Variants in XRCC4 observed in about 807,000 individuals in gnomAD.
The protein encoded by XRCC4 is X-ray repair cross complementing 4.
In XRCC4, 28 loss-of-function variants were observed where a neutral mutation model predicts 39.1. The ratio of observed to expected loss-of-function variants is 0.72; its 90% CI spans 0.53 to 0.98. The LOEUF (loss-of-function observed/expected upper bound fraction) is 0.98. Among genes scored for constraint, XRCC4 ranks in the 50% least tolerant of loss-of-function variants. The pLI, the probability that XRCC4 is intolerant of heterozygous loss-of-function variation, is 0.00. For missense variants in XRCC4, 350 were observed against 376.4 expected (o/e 0.93, Z 0.58); for synonymous variants, 123 against 126.4 (o/e 0.97, Z 0.18).
the XRCC4 span, among the ~76,000 whole-genome samples, chr5:83,359,697 C>T: frequency 1.3e-5 from 2 of 152,154 alleles, no homozygotes; most frequent in African/African-American, 4.8e-5. Context: ...AGAATACATT[C>T]TCCAGAGAAG....
chr5:83,090,740 G>C (rs974943151), intron 1 of XRCC4, among the ~76,000 whole-genome samples: 1 of 152,166 alleles, frequency 6.6e-6, no homozygotes, highest in African/African-American at 2.4e-5. Flanking sequence ...ATTGAAAGCT[G>C]TTCCTTATGA....
intron 6 of XRCC4, among the ~76,000 whole-genome samples, chr5:83,239,405 C>T (rs896741319): frequency 1.3e-5 from 2 of 152,144 alleles, no homozygotes; most frequent in East Asian, 1.9e-4. Context: ...AATGACTCTC[C>T]GTCTGTGATT....
At chr5:83,260,853 A>C (rs932422896) in intron 7 of XRCC4, among the ~76,000 whole-genome samples, 2 of 152,026 alleles carry the variant, frequency 1.3e-5, no homozygotes, top group Middle Eastern at 3.2e-3. Flanking sequence ...CGGTCTGCTA[A>C]TTATATCATT....
intron 6 of XRCC4, among the ~76,000 whole-genome samples, chr5:83,235,334 CAAAAA>C (rs57372204): frequency 1.7e-5 from 1 of 58,740 alleles, no homozygotes. Flanking sequence ...GACCCTATCT[CAAAAA>C]AAAAAAAAAA....
At chr5:83,277,542 G>A (rs746262204) in intron 7 of XRCC4, among the ~76,000 whole-genome samples, 2 of 152,108 alleles carry the variant, frequency 1.3e-5, no homozygotes, top group Admixed American at 6.5e-5. Context: ...TATATAACCC[G>A]ACCTATTCCA....
At chr5:83,255,956 C>T (rs1383815916) in intron 6 of XRCC4, among the ~76,000 whole-genome samples, 1 of 152,064 alleles carries the variant, frequency 6.6e-6, no homozygotes, top group Non-Finnish European at 1.5e-5. Flanking sequence ...AAATGATGGG[C>T]AGTATTTCTA....
chr5:83,121,215 C>T (rs1746993246), intron 3 of XRCC4, among the ~76,000 whole-genome samples: 1 of 152,088 alleles, frequency 6.6e-6, no homozygotes, highest in Admixed American at 6.6e-5. Context: ...TGGGTTGCTT[C>T]CAGTTTTGGA....
intron 7 of XRCC4, among the ~76,000 whole-genome samples, chr5:83,315,620 G>A (rs1330539136): frequency 6.6e-6 from 1 of 152,096 alleles, no homozygotes; most frequent in East Asian, 1.9e-4. Context: ...GGGCCCTTCA[G>A]AATTAAGCTA....
At chr5:83,265,403 T>G (rs1285878463) in intron 7 of XRCC4, among the ~76,000 whole-genome samples, 2 of 152,210 alleles carry the variant, frequency 1.3e-5, no homozygotes, top group East Asian at 1.9e-4. Context: ...TAAAACGAGA[T>G]AGGTTTTTAT....
intron 3 of XRCC4, among the ~76,000 whole-genome samples, chr5:83,118,755 G>A (rs969126713): frequency 6.6e-6 from 1 of 152,174 alleles, no homozygotes; most frequent in African/African-American, 2.4e-5. Context: ...GTAAAAACTG[G>A]AAGATGGATA....
intron 3 of XRCC4, among the ~76,000 whole-genome samples, chr5:83,180,438 C>T (rs1561385065): frequency 6.6e-6 from 1 of 152,108 alleles, no homozygotes; most frequent in Non-Finnish European, 1.5e-5. Flanking sequence ...TAAAACATTT[C>T]AGCGGCTCAA....
At chr5:83,322,213 A>G (rs953679188) in intron 7 of XRCC4, among the ~76,000 whole-genome samples, 1 of 152,012 alleles carries the variant, frequency 6.6e-6, no homozygotes, top group African/African-American at 2.4e-5. Context: ...GAACCTAATT[A>G]TAAAACAAAT....
intron 6 of XRCC4, among the ~76,000 whole-genome samples, chr5:83,240,560 G>C (rs1752868911): frequency 6.6e-6 from 1 of 152,174 alleles, no homozygotes; most frequent in Non-Finnish European, 1.5e-5. Flanking sequence ...AGATAGTAAA[G>C]ATAGTAATCA....
chr5:83,304,333 C>T (rs779844186), intron 7 of XRCC4, among the ~76,000 whole-genome samples: 1 of 151,910 alleles, frequency 6.6e-6, no homozygotes, highest in Non-Finnish European at 1.5e-5. Context: ...CCCACCGCAC[C>T]CAGCCTTAAA....
At chr5:83,350,504 C>T (rs989213721) in intron 7 of XRCC4, among the ~76,000 whole-genome samples, 2 of 151,936 alleles carry the variant, frequency 1.3e-5, no homozygotes, top group African/African-American at 4.8e-5. Flanking sequence ...ATTTGCATTT[C>T]TCTGATGACT....
intron 6 of XRCC4, among the ~76,000 whole-genome samples, chr5:83,251,964 T>C (rs1253537994): frequency 1.3e-5 from 2 of 152,230 alleles, no homozygotes; most frequent in Non-Finnish European, 2.9e-5. Context: ...ATTTACAGAA[T>C]TGAAAATGGG....
chr5:83,320,339 C>A, intron 7 of XRCC4, among the ~76,000 whole-genome samples: 1 of 140,426 alleles, frequency 7.1e-6, no homozygotes, highest in East Asian at 2.1e-4. Context: ...CACATGTACC[C>A]TAAAACTTAA....
At chr5:83,163,444 G>A (rs55984729) in intron 3 of XRCC4, among the ~76,000 whole-genome samples, 2,736 of 152,230 alleles carry the variant, frequency 0.018, 76 homozygotes, top group African/African-American at 0.063. Flanking sequence ...TTTAGGAATT[G>A]AGCTTCATTA....
intron 6 of XRCC4, among the ~76,000 whole-genome samples, chr5:83,217,022 A>G (rs192588884): frequency 6.6e-6 from 1 of 151,964 alleles, no homozygotes; most frequent in East Asian, 1.9e-4. Context: ...TAAGCATTTG[A>G]TCATCTTGAG....
Sources: gnomAD v4.1 joint callset for allele counts (sites outside exome capture counted in the v4.1 genomes callset) on GRCh38, gnomAD v4.1.1 for gene constraint, MANE v1.5 for transcripts, NCBI Gene and HGNC (gene_info 2026-07-23, HGNC 2026-07-21) for gene names.